SLTM: variants seen among roughly 807,000 people sequenced by gnomAD.
The protein encoded by SLTM is SAFB like transcription modulator.
Under a neutral mutation model 134.6 loss-of-function variants are expected in SLTM, and 43 were observed. That is an observed-to-expected ratio of 0.32 (90% CI 0.25 to 0.41). The LOEUF (loss-of-function observed/expected upper bound fraction) is 0.41, where lower values mean the gene tolerates loss of function less well. Among genes scored for constraint, SLTM ranks in the 10% least tolerant of loss-of-function variants. SLTM has a pLI of 1.00. For synonymous variants in SLTM, 424 were observed against 432.3 expected, an observed-to-expected ratio of 0.98 and a Z score of 0.24; for missense variants, 1,055 against 1,288.8, an observed-to-expected ratio of 0.82 and a Z score of 2.78.
chr15:58,922,878 G>C (rs543011646), intron 2 of SLTM, among the ~76,000 whole-genome samples: 1 of 151,750 alleles, frequency 6.6e-6, no homozygotes, highest in Non-Finnish European at 1.5e-5. Context: ...ACCACATCCA[G>C]CTAATTTTTG....
intron 5 of SLTM, among the ~76,000 whole-genome samples, chr15:58,910,894 A>C (rs1177523608): frequency 6.6e-6 from 1 of 151,966 alleles, no homozygotes. Flanking sequence ...ACAGGTGTCC[A>C]ACACTAGGCC....
intron 5 of SLTM, among the ~76,000 whole-genome samples, chr15:58,903,693 T>A (rs2035654443): frequency 6.7e-6 from 1 of 148,268 alleles, no homozygotes; most frequent in African/African-American, 2.5e-5. Flanking sequence ...ATAATAATAA[T>A]AATAATAAAA....
At chr15:58,895,545 G>C (rs1447500576) in intron 9 of SLTM, among the ~76,000 whole-genome samples, 1 of 152,162 alleles carries the variant, frequency 6.6e-6, no homozygotes, top group Admixed American at 6.5e-5. Context: ...AGGAAAATCA[G>C]GAGTTTTATG....
chr15:58,901,187 T>C (rs535601316), intron 6 of SLTM, 73 bp downstream of exon 6: 20 of 1,104,354 alleles, frequency 1.8e-5, no homozygotes, highest in Admixed American at 6.5e-5. Flanking sequence ...AGATTTCAAA[T>C]AAGGAGTGCT....
At chr15:58,896,380 G>C (rs1255345394) in intron 9 of SLTM, among the ~76,000 whole-genome samples, 2 of 152,026 alleles carry the variant, frequency 1.3e-5, no homozygotes, top group Admixed American at 6.6e-5. Context: ...CCAACATAGT[G>C]AAAAACTCAT....
Position 58,896,764 on chromosome 15 carries a change from G to A in SLTM, c.1227+351C>T, listed in dbSNP as rs560759598. Among the ~76,000 whole-genome samples the A allele has an allele frequency of 5.1e-4, 77 of 152,232 alleles. 1 individual carries two copies. In the South Asian group the frequency reaches 0.014, roughly 28 times the overall value. On this transcript the variant is annotated intron_variant, in intron 9 of 20. Coordinates refer to ENST00000380516, the MANE Select transcript of SLTM (RefSeq NM_024755.4). Reference sequence around the variant, plus strand: ...TTATGTATCCCACTGACTAATAATAGTCTAAATATAAATGTATTTTCAAGA... The same window carrying A: ...TTATGTATCCCACTGACTAATAATAATCTAAATATAAATGTATTTTCAAGA...
intron 14 of SLTM, among the ~76,000 whole-genome samples, chr15:58,892,493 A>T (rs1487712348): frequency 3.3e-5 from 5 of 152,078 alleles, no homozygotes; most frequent in African/African-American, 1.2e-4. Flanking sequence ...CTTATCTCAA[A>T]TTTTTCCTTT....
At chr15:58,918,803 T>C (rs2036823672) in intron 2 of SLTM, among the ~76,000 whole-genome samples, 1 of 152,174 alleles carries the variant, frequency 6.6e-6, no homozygotes, top group South Asian at 2.1e-4. Context: ...ACAACAAGTC[T>C]ATCTGATTAT....
intron 20 of SLTM, among the ~76,000 whole-genome samples, chr15:58,880,538 G>T (rs1382574416): frequency 6.6e-6 from 1 of 152,086 alleles, no homozygotes; most frequent in African/African-American, 2.4e-5. Context: ...AGCAACCTGT[G>T]CTTTTCTTTG....
chr15:58,910,743 C>CTTTT (rs543560542), intron 5 of SLTM, among the ~76,000 whole-genome samples: 1 of 116,274 alleles, frequency 8.6e-6, no homozygotes. Flanking sequence ...CTCATAGATT[C>CTTTT]TTTTTTTTTT....
Position 58,913,511 on chromosome 15 carries a change from G to T in SLTM, c.501C>A (p.Asp167Glu). 6.2e-7 allele frequency: 1 copy of T among 1,605,422 alleles called. No individual in the cohort carries two copies. Among genetic ancestry groups the T allele is most frequent in the Non-Finnish European group, 8.5e-7 (1 of 1,177,100 alleles). Residue 167 changes from aspartate (D) to glutamate (E), a missense_variant, in exon 4 of 21, where the codon GAC (aspartate) becomes GAA (glutamate). Physicochemically the swap from Asp to Glu is conservative, Grantham distance 45 (BLOSUM62 2). Transcript: ENST00000380516. The stretch of plus-strand genomic sequence containing the variant: ...ACTGGCTAAAGACCTGACTTTCGAT[G>T]TCCTCTTTTTCTATATCTTCTATTC... Reference protein sequence around the residue: ...AEGIEDIEKEDIESQEIEAQE... With the variant: ...AEGIEDIEKEEIESQEIEAQE...
Position 58,913,654 on chromosome 15 carries a change from T to G in SLTM, c.358A>C (p.Asn120His). 1 of 1,613,680 alleles carries G rather than the reference T, an allele frequency of 6.2e-7. No individual in the cohort carries two copies. The change falls in exon 4 of 21, where the codon AAT (asparagine) becomes CAT (histidine). Residue 120 changes from asparagine (N) to histidine (H), a missense_variant. This residue lies in a region of SLTM where 268 missense variants were observed against 284.3 expected (regional missense o/e 0.94). Transcript: ENST00000380516. ...ENQEAHEQDG[N>H]DELKDSEEFG... ...TCTTCAGAGTCCTTTAGTTCATCAT[T>G]TCCATCTTGCTCATGTGCCTCTTGA...
intron 5 of SLTM, among the ~76,000 whole-genome samples, chr15:58,904,497 A>C (rs1422706312): frequency 5.3e-5 from 8 of 152,066 alleles, no homozygotes; most frequent in Admixed American, 6.5e-5. Flanking sequence ...AATTGATAAC[A>C]GTGTAAATTC....
chr15:58,894,245 G>T, intron 10 of SLTM, 52 bp from the exon 11 acceptor site: 1 of 1,494,128 alleles, frequency 6.7e-7, no homozygotes, highest in South Asian at 1.2e-5. Flanking sequence ...ACATTTTTGT[G>T]ATTATAAGAA....
At chr15:58,889,239 C>A (rs2034472437) in intron 16 of SLTM, 191 bp downstream of exon 16, 2 of 551,164 alleles carry the variant, frequency 3.6e-6, no homozygotes, top group South Asian at 5.5e-5. Flanking sequence ...GAAAGGTAGA[C>A]AGGGAAAGAA....
At chr15:58,906,792 TG>T (rs1363134669) in intron 5 of SLTM, among the ~76,000 whole-genome samples, 2 of 152,222 alleles carry the variant, frequency 1.3e-5, no homozygotes, top group Admixed American at 6.5e-5. Flanking sequence ...ATAAATGTAG[TG>T]TAAGACTGCT....
chr15:58,931,657 A>G (rs1302538219), intron 2 of SLTM, among the ~76,000 whole-genome samples: 2 of 152,190 alleles, frequency 1.3e-5, no homozygotes, highest in African/African-American at 4.8e-5. Context: ...TTTAAAAAAT[A>G]CCTAAGTTCC....
rs112857767 is a variant in SLTM at position 58,895,771 on chromosome 15, C to T, written c.1228-1189G>A. On this transcript the variant is annotated intron_variant, in intron 9 of 20. Transcript: ENST00000380516. The stretch of plus-strand genomic sequence containing the variant: ...GAAGAAAAAATATAACACAGCCTAT[C>T]ATGGGACTACAATTCTCAGTGTTCT... Among the ~76,000 whole-genome samples, 21 of 152,276 alleles carry T rather than the reference C, an allele frequency of 1.4e-4. 1 individual carries two copies. The highest frequency in any genetic ancestry group is 2.1e-4 in the Non-Finnish European group (14 of 68,026).
At chr15:58,894,604 T>C (rs756673054) in intron 9 of SLTM, 22 bp from the exon 10 acceptor site, 19 of 1,613,254 alleles carry the variant, frequency 1.2e-5, no homozygotes, top group Non-Finnish European at 1.4e-5. Flanking sequence ...GACTGTACTT[T>C]AGAGAGTTTT....
Sources: gnomAD v4.1 joint callset for allele counts (sites outside exome capture counted in the v4.1 genomes callset) on GRCh38, gnomAD v4.1.1 for gene constraint, gnomAD v4.1.1 regional missense constraint, MANE v1.5 for transcripts, NCBI Gene and HGNC (gene_info 2026-07-23, HGNC 2026-07-21) for gene names.